The following KRT2 variants were observed in gnomAD, a reference collection of about 807,000 sequenced individuals.
The protein encoded by KRT2 is keratin, type II cytoskeletal 2 epidermal.
Under a neutral mutation model 48.5 loss-of-function variants are expected in KRT2, and 37 were observed. The ratio of observed to expected loss-of-function variants is 0.76; its 90% confidence interval spans 0.59 to 1.00. KRT2 has a LOEUF of 1.00. Among genes scored for constraint, KRT2 ranks in the 50% least tolerant of loss-of-function variants. The pLI is 0.00. For synonymous variants in KRT2, 324 were observed against 312.2 expected (o/e 1.04, Z -0.40); for missense variants, 880 against 815.2 (o/e 1.08, Z -0.97).
Position 52,648,998 on chromosome 12 carries a change from C to T in KRT2, c.957+9G>A, listed in dbSNP as rs1356482490. ...GAAGTAAGGGACTGTCCCGGAGCAG[C>T]CTCCTTACCGCATCATAGAGAACTT... is the stretch of plus-strand genomic sequence containing the variant. On this transcript the variant is annotated intron_variant, in intron 4 of 8. Transcript: ENST00000309680. 6.4e-7 allele frequency: 1 copy of T among 1,555,282 alleles called. No individual in the cohort carries two copies. Among genetic ancestry groups the T allele is most frequent in the Admixed American group, 1.7e-5 (1 of 59,962 alleles).
chr12:52,651,536 G>A (rs1592257498), intron 1 of KRT2, 22 bp downstream of exon 1: 2 of 1,553,610 alleles, frequency 1.3e-6, no homozygotes, highest in South Asian at 1.1e-5. Context: ...GCATCAGTGG[G>A]AGCCGTCTTC....
At chr12:52,646,081 G>A (rs1026164703) in intron 7 of KRT2, among the ~76,000 whole-genome samples, 2 of 152,214 alleles carry the variant, frequency 1.3e-5, no homozygotes, top group Non-Finnish European at 2.9e-5. Context: ...CCTCTAGACA[G>A]GGACAGAGCA....
chr12:52,645,624 A>G, intron 7 of KRT2, 55 bp from the exon 8 acceptor site: 5 of 1,581,402 alleles, frequency 3.2e-6, no homozygotes, highest in Non-Finnish European at 4.3e-6. Flanking sequence ...TTCTGTATGC[A>G]TGTTGTTTTA....
chr12:52,646,906 G>A lies in KRT2; in HGVS notation c.1303C>T (p.Leu435Phe), dbSNP rs1158858624. Residue 435 changes from leucine to phenylalanine, a missense_variant, in exon 7 of 9, where the codon CTC (leucine) becomes TTC (phenylalanine). Leu to Phe is a conservative substitution (Grantham distance 22). Coordinates refer to ENST00000309680, the MANE Select transcript of KRT2 (RefSeq NM_000423.3). Reference sequence around the variant, plus strand: ...TTCAACTTGTTCCTGGCATCCTTGAGGGCATGCTCCCCACGCTGCTCGGCA... The same window carrying A: ...TTCAACTTGTTCCTGGCATCCTTGAAGGCATGCTCCCCACGCTGCTCGGCA... ...ADAEQRGEHALKDARNKLNDL... is the reference protein window; with the variant it reads ...ADAEQRGEHAFKDARNKLNDL... 7 of 1,614,054 alleles carry A rather than the reference G, an allele frequency of 4.3e-6. No homozygotes were observed. In the South Asian group the frequency reaches 5.5e-5, roughly 13 times the overall value.
intron 7 of KRT2, 142 bp from the exon 8 acceptor site, chr12:52,645,711 C>G: frequency 1.0e-5 from 8 of 791,698 alleles, no homozygotes; most frequent in Non-Finnish European, 1.8e-5. Context: ...TTCTTCTATG[C>G]TGCCAGGTCA....
chr12:52,648,054 A>G, intron 5 of KRT2, 119 bp downstream of exon 5: 1 of 1,296,872 alleles, frequency 7.7e-7, no homozygotes, highest in South Asian at 1.2e-5. Flanking sequence ...CTTTCTTGGG[A>G]ATGGTGCCCA....
Position 52,651,975 on chromosome 12 carries a change from G to A in KRT2, c.168C>T (p.Gly56=), listed in dbSNP as rs637247. 9.3e-3 allele frequency: 14,938 copies of A among 1,613,368 alleles called. 126 individuals are homozygous for A. The highest frequency in any genetic ancestry group is 0.039 in the African/African-American group (2,899 of 74,992). ...CAACAAGACTCCGACTGCCAAAGCC[G>A]CCTCCACCGAAGCCCCCGCCACCAC... The part of the protein sequence containing the change: ...HGGGGGGFGG[G]GFGSRSLVGL... The change falls in exon 1 of 9, where the codon GGC becomes GGT. Residue 56 remains glycine, a synonymous_variant. Transcript: ENST00000309680.
chr12:52,645,420 T>C lies in KRT2; in HGVS notation c.1519A>G (p.Thr507Ala), dbSNP rs764462544. 5 of 1,614,086 alleles carry C rather than the reference T, an allele frequency of 3.1e-6. No homozygotes were observed. Among genetic ancestry groups the C allele is most frequent in the Non-Finnish European group, 3.4e-6 (4 of 1,180,060 alleles). ...SNVTVSVTSS[T>A]ISSNVASKAA... ...TTGGATGCCACATTTGATGAAATGG[T>C]GCTGCTTGTCACAGCTGCAGAGAGA... The change falls in exon 9 of 9, where the codon ACC becomes GCC. Residue 507 changes from threonine (T) to alanine (A), a missense_variant. By Grantham distance (58) the Thr-to-Ala change is moderately conservative. Coordinates refer to ENST00000309680, the MANE Select transcript of KRT2 (RefSeq NM_000423.3).
At chr12:52,651,221 T>C (rs1941243327) in intron 1 of KRT2, among the ~76,000 whole-genome samples, 1 of 152,232 alleles carries the variant, frequency 6.6e-6, no homozygotes, top group Non-Finnish European at 1.5e-5. Flanking sequence ...CAGAAGACGA[T>C]GGCTTCCAAA....
chr12:52,645,811 G>A (rs1291043927), intron 7 of KRT2, among the ~76,000 whole-genome samples: 12 of 152,158 alleles, frequency 7.9e-5, no homozygotes, highest in East Asian at 1.9e-4. Flanking sequence ...GAACAGTTGC[G>A]TGGTTGATCC....
chr12:52,647,107 G>T, intron 6 of KRT2, 147 bp from the exon 7 acceptor site: 1 of 743,388 alleles, frequency 1.3e-6, no homozygotes, highest in Non-Finnish European at 2.3e-6. Context: ...GCTAAGACTT[G>T]CCGCTGTCTC....
rs1225472851 is a variant in KRT2, at chr12:52,651,833, C to A, written c.310G>T (p.Gly104Cys). 6.2e-7 allele frequency: 1 copy of A among 1,603,606 alleles called. No individual in the cohort carries two copies. Among genetic ancestry groups the A allele is most frequent in the South Asian group, 1.1e-5 (1 of 90,532 alleles). ...GGFGGGSSFG[G>C]GSGFSGGGFG... ...CCACCACCACTGAAGCCGCTGCCAC[C>A]TCCAAAGCTGCTGCCGCCTCCAAAA... Residue 104 changes from glycine (G) to cysteine (C), a missense_variant, in exon 1 of 9, where the codon GGT becomes TGT. Physicochemically the swap from Gly to Cys is radical, Grantham distance 159 (BLOSUM62 -3). Transcript: ENST00000309680.
At chr12:52,650,622 A>G in intron 1 of KRT2, 69 bp from the exon 2 acceptor site, 1 of 1,331,364 alleles carries the variant, frequency 7.5e-7, no homozygotes, top group Non-Finnish European at 1.1e-6. Flanking sequence ...CACGCTGGCC[A>G]GGGGCAGCTC....
rs142597746 is a variant in KRT2, at chr12:52,649,808, C to T, written c.861+106G>A. Reference sequence around the variant, plus strand: ...CCATGGGTCTCACTCCTTTCTCTGGCTGCTGCTTTTGCACTCACAGTTGAT... The same window carrying T: ...CCATGGGTCTCACTCCTTTCTCTGGTTGCTGCTTTTGCACTCACAGTTGAT... On this transcript the variant is annotated intron_variant, in intron 3 of 8. Transcript: ENST00000309680. 152 of 863,630 alleles carry T rather than the reference C, an allele frequency of 1.8e-4. 1 individual carries two copies. In the East Asian group the frequency reaches 3.2e-3, roughly 18 times the overall value. 53.5% of individuals were successfully genotyped at this position (863,630 alleles called of 1,614,324 possible).
chr12:52,649,097 C>T lies in KRT2; in HGVS notation c.867G>A (p.Val289=). ...ENDFVTLKKD[V]DNAYMIKVEL... ...CCACCTTTATCATGTAGGCATTGTC[C>T]ACGTCCTGCAAGAAAGGTTGAGGCC... The change falls in exon 4 of 9, where the codon GTG becomes GTA. Residue 289 remains valine (V), a synonymous_variant. Transcript: ENST00000309680. 1 of 1,608,588 alleles carries T rather than the reference C, an allele frequency of 6.2e-7. No homozygotes were observed. The highest frequency in any genetic ancestry group is 8.5e-7 in the Non-Finnish European group (1 of 1,175,226).
intron 1 of KRT2, chr12:52,650,796 A>C (rs1368751318): frequency 3.6e-6 from 2 of 556,600 alleles, no homozygotes; most frequent in East Asian, 3.2e-5. Context: ...TTCACTGCTC[A>C]CTGGTTTGTT....
In KRT2 at chr12:52,651,788, C is replaced by G; in HGVS notation, c.355G>C (p.Gly119Arg). ...CCAAAACCTCCAAAGCGGCCTCCAC[C>G]AAAGCCGCCTCCACCGAAACCACCA... Reference protein sequence around the residue: ...SGGGFGGGGFGGGRFGGFGGP... With the variant: ...SGGGFGGGGFRGGRFGGFGGP... Residue 119 changes from glycine (G) to arginine (R), a missense_variant, in exon 1 of 9, where the codon GGT (glycine) becomes CGT (arginine). Transcript: ENST00000309680. The G allele has an allele frequency of 2.5e-6, 4 of 1,608,864 alleles. No individual in the cohort carries two copies. The highest frequency in any genetic ancestry group is 3.4e-6 in the Non-Finnish European group (4 of 1,176,984).
At chr12:52,647,611 T>A in intron 6 of KRT2, 119 bp downstream of exon 6, 4 of 1,212,286 alleles carry the variant, frequency 3.3e-6, no homozygotes, top group Non-Finnish European at 4.8e-6. Flanking sequence ...GATCGATACA[T>A]GCTAGAGTGC....
chr12:52,649,141 G>A (rs1941212631), intron 3 of KRT2, 39 bp from the exon 4 acceptor site: 1 of 1,249,656 alleles, frequency 8.0e-7, no homozygotes, highest in African/African-American at 1.5e-5. Context: ...ATGGTTCCCT[G>A]TACAGGCCTC....
Sources: gnomAD v4.1 joint callset for allele counts (sites outside exome capture counted in the v4.1 genomes callset) on GRCh38, gnomAD v4.1.1 for gene constraint, MANE v1.5 for transcripts, NCBI Gene and HGNC (gene_info 2026-07-23, HGNC 2026-07-21) for gene names.